The following TMC1 variants were observed in gnomAD, a reference collection of about 807,000 sequenced individuals.
TMC1 encodes the protein transmembrane channel-like protein 1.
A neutral mutation model predicts 105.8 loss-of-function variants in TMC1; 84 were observed. That is an observed-to-expected ratio of 0.79 (90% CI 0.67 to 0.95). The LOEUF (loss-of-function observed/expected upper bound fraction) is 0.95, where lower values mean the gene tolerates loss of function less well. TMC1 is among the 40% of genes least tolerant of loss of function. TMC1 has a pLI of 0.00. For missense variants in TMC1, 817 were observed against 914.1 expected (o/e 0.89, Z 1.37); for synonymous variants, 315 against 311.5 (o/e 1.01, Z -0.12).
intron 1 of TMC1, among the ~76,000 whole-genome samples, chr9:72,538,600 C>T (rs1382062912): frequency 6.6e-6 from 1 of 151,968 alleles, no homozygotes; most frequent in Non-Finnish European, 1.5e-5. Context: ...CCATGCCTGG[C>T]TAATTTTTTT....
At chr9:72,749,981 C>T (rs979409561) in intron 10 of TMC1, among the ~76,000 whole-genome samples, 1 of 152,024 alleles carries the variant, frequency 6.6e-6, no homozygotes, top group Non-Finnish European at 1.5e-5. Flanking sequence ...GTGGTGGGTG[C>T]CTGTAATCCC....
At chr9:72,694,863 A>T in intron 7 of TMC1, 149 bp downstream of exon 7, 1 of 690,870 alleles carries the variant, frequency 1.4e-6, no homozygotes. Flanking sequence ...ACTTAATTAA[A>T]TGTATTTTAA....
At chr9:72,542,683 C>T (rs1210543828) in intron 1 of TMC1, among the ~76,000 whole-genome samples, 2 of 151,790 alleles carry the variant, frequency 1.3e-5, no homozygotes, top group East Asian at 1.9e-4. Flanking sequence ...CAGCTTTCTT[C>T]CTTTGTTTTT....
At chr9:72,802,319 A>G (rs1312009501) in intron 17 of TMC1, among the ~76,000 whole-genome samples, 1 of 152,192 alleles carries the variant, frequency 6.6e-6, no homozygotes, top group East Asian at 1.9e-4. Flanking sequence ...AAGGAGACAA[A>G]GAGTAGGAAG....
At chr9:72,771,078 C>T (rs1284035147) in intron 12 of TMC1, among the ~76,000 whole-genome samples, 1 of 152,142 alleles carries the variant, frequency 6.6e-6, no homozygotes, top group East Asian at 1.9e-4. Flanking sequence ...CACAAGTTGG[C>T]TTTATTTTTT....
intron 1 of TMC1, among the ~76,000 whole-genome samples, chr9:72,538,542 TTC>T (rs1694153998): frequency 6.6e-6 from 1 of 152,138 alleles, no homozygotes. Context: ...GCTCAAGCGA[TTC>T]TCCTGCATCA....
chr9:72,538,238 T>C (rs919928922), intron 1 of TMC1, among the ~76,000 whole-genome samples: 1 of 151,584 alleles, frequency 6.6e-6, no homozygotes, highest in Non-Finnish European at 1.5e-5. Flanking sequence ...AGTGAATAGA[T>C]GATGAATGTC....
chr9:72,623,641 C>T (rs1390097394), intron 3 of TMC1, among the ~76,000 whole-genome samples: 2 of 152,136 alleles, frequency 1.3e-5, no homozygotes, highest in African/African-American at 2.4e-5. Flanking sequence ...AGTTCCTCGA[C>T]CCATGCATTT....
chr9:72,801,870 A>G (rs537540973), intron 17 of TMC1, among the ~76,000 whole-genome samples: 4 of 152,282 alleles, frequency 2.6e-5, no homozygotes, highest in African/African-American at 7.2e-5. Context: ...TTTTAATACA[A>G]TGTTTGAATC....
At chr9:72,613,280 C>T (rs1825064852) in intron 2 of TMC1, among the ~76,000 whole-genome samples, 1 of 151,930 alleles carries the variant, frequency 6.6e-6, no homozygotes, top group Non-Finnish European at 1.5e-5. Context: ...TACTGGCCAC[C>T]ATGCCTGGCT....
chr9:72,657,363 T>C (rs1358526282), intron 5 of TMC1, among the ~76,000 whole-genome samples: 1 of 152,242 alleles, frequency 6.6e-6, no homozygotes, highest in East Asian at 1.9e-4. Context: ...ATGTTTCATA[T>C]ATTTTGTCTG....
intron 23 of TMC1, among the ~76,000 whole-genome samples, chr9:72,834,543 A>T (rs1829090570): frequency 1.3e-5 from 2 of 152,110 alleles, no homozygotes; most frequent in Admixed American, 6.6e-5. Context: ...CAGAAAAATT[A>T]CTTCCGAACT....
intron 4 of TMC1, among the ~76,000 whole-genome samples, chr9:72,630,845 C>T (rs1167690877): frequency 1.3e-5 from 2 of 149,360 alleles, no homozygotes; most frequent in Admixed American, 6.7e-5. Flanking sequence ...TTTTTTCTTT[C>T]TATTTTTATA....
rs1827449963 is a variant in TMC1, at chr9:72,744,280, A to G, written c.535+1755A>G. 2.0e-5 allele frequency among the ~76,000 whole-genome samples: 3 copies of G among 152,138 alleles called. No homozygotes were observed. In the South Asian group the frequency reaches 6.2e-4, roughly 31 times the overall value. The stretch of plus-strand genomic sequence containing the variant: ...TAATTTTTTGATGTAATCTTAATTC[A>G]TTTTATGTTCATTTCTCCCAATAGA... On this transcript the variant is annotated intron_variant, in intron 10 of 23. Coordinates refer to ENST00000297784, the MANE Select transcript of TMC1 (RefSeq NM_138691.3).
intron 12 of TMC1, among the ~76,000 whole-genome samples, chr9:72,765,453 AAG>A (rs1362492177): frequency 6.6e-6 from 1 of 151,824 alleles, no homozygotes; most frequent in Non-Finnish European, 1.5e-5. Flanking sequence ...GCTTTAAAGA[AAG>A]AGTAGGAATA....
chr9:72,599,031 AT>A (rs1030879228), intron 2 of TMC1, among the ~76,000 whole-genome samples: 3 of 151,124 alleles, frequency 2.0e-5, no homozygotes, highest in African/African-American at 4.9e-5. Flanking sequence ...ATTTCCCACT[AT>A]TTTTTTTTCT....
chr9:72,693,068 C>T (rs918754519), intron 6 of TMC1, among the ~76,000 whole-genome samples: 7 of 149,360 alleles, frequency 4.7e-5, no homozygotes, highest in African/African-American at 1.7e-4. Flanking sequence ...TGCAGTGAGC[C>T]GAGACTGTGC....
Position 72,684,893 on chromosome 9 carries a change from A to C in TMC1, c.17-3816A>C, listed in dbSNP as rs571427175. Among the ~76,000 whole-genome samples, 302 of 152,266 alleles carry C rather than the reference A, an allele frequency of 2.0e-3. 1 individual carries two copies. Among genetic ancestry groups the C allele is most frequent in the Middle Eastern group, 6.8e-3 (2 of 294 alleles). ...TGGGTTCATTTATGCCTGTCATGCCACTGATTAACATCCCTATCAAGAAAG... is the reference window on the plus strand; with the variant it reads ...TGGGTTCATTTATGCCTGTCATGCCCCTGATTAACATCCCTATCAAGAAAG... On this transcript the variant is annotated intron_variant, in intron 5 of 23. Coordinates refer to ENST00000297784, the MANE Select transcript of TMC1 (RefSeq NM_138691.3).
intron 1 of TMC1, among the ~76,000 whole-genome samples, chr9:72,559,222 G>A (rs1254620712): frequency 6.6e-6 from 1 of 151,906 alleles, no homozygotes; most frequent in Non-Finnish European, 1.5e-5. Context: ...AGCCTCCTGA[G>A]TAGCTGGGAT....
Sources: gnomAD v4.1 joint callset for allele counts (sites outside exome capture counted in the v4.1 genomes callset) on GRCh38, gnomAD v4.1.1 for gene constraint, MANE v1.5 for transcripts, NCBI Gene and HGNC (gene_info 2026-07-23, HGNC 2026-07-21) for gene names.